LOC400499: variants seen among roughly 807,000 people sequenced by gnomAD.
the LOC400499 span, among the ~76,000 whole-genome samples, chr16:11,454,141 A>C: frequency 5.3e-5 from 8 of 152,230 alleles, no homozygotes; most frequent in African/African-American, 7.2e-5. Flanking sequence ...AAATCAGAAG[A>C]AGCATCAGAT....
chr16:11,431,844 C>T, the LOC400499 span, among the ~76,000 whole-genome samples: 4,193 of 152,324 alleles, frequency 0.028, 98 homozygotes, highest in Non-Finnish European at 0.043. Context: ...GATCTATGTC[C>T]TCTCCCTTTG....
At chr16:11,506,610 C>CCA in the LOC400499 span, among the ~76,000 whole-genome samples, 4 of 152,166 alleles carry the variant, frequency 2.6e-5, no homozygotes, top group African/African-American at 9.7e-5. Context: ...AACCCCACTG[C>CCA]ACCCTTGCTT....
At chr16:11,468,182 T>G in the LOC400499 span, among the ~76,000 whole-genome samples, 7 of 152,202 alleles carry the variant, frequency 4.6e-5, no homozygotes, top group Admixed American at 3.9e-4. Context: ...AACAAATTCC[T>G]ATAGTTGAAG....
chr16:11,447,751 C>T, the LOC400499 span, among the ~76,000 whole-genome samples: 1 of 151,958 alleles, frequency 6.6e-6, no homozygotes, highest in African/African-American at 2.4e-5. Context: ...ATGGAGGGGG[C>T]GAGGGATGTG....
At chr16:11,456,983 C>G in the LOC400499 span, 1 of 1,536,090 alleles carries the variant, frequency 6.5e-7, no homozygotes, top group Non-Finnish European at 8.7e-7. Context: ...GGCGGAGGCT[C>G]AAGTGGTAAA....
chr16:11,378,878 G>A, the LOC400499 span, among the ~76,000 whole-genome samples: 1 of 152,202 alleles, frequency 6.6e-6, no homozygotes, highest in African/African-American at 2.4e-5. Context: ...GGGTGAAGTT[G>A]TCTGTGTGGT....
chr16:11,494,319 C>A, the LOC400499 span, among the ~76,000 whole-genome samples: 3 of 146,870 alleles, frequency 2.0e-5, no homozygotes, highest in Non-Finnish European at 4.5e-5. Flanking sequence ...CCCCCTTCCC[C>A]CCTTCACCCC....
the LOC400499 span, among the ~76,000 whole-genome samples, chr16:11,518,732 G>C: frequency 6.6e-6 from 1 of 152,124 alleles, no homozygotes; most frequent in African/African-American, 2.4e-5. Flanking sequence ...AAACTTCTTT[G>C]AACTTCAGTC....
At chr16:11,474,881 A>T in the LOC400499 span, among the ~76,000 whole-genome samples, 1 of 152,156 alleles carries the variant, frequency 6.6e-6, no homozygotes, top group African/African-American at 2.4e-5. Flanking sequence ...TAATAAAAGT[A>T]CAATATCGGG....
the LOC400499 span, among the ~76,000 whole-genome samples, chr16:11,514,711 C>A: frequency 6.6e-6 from 1 of 152,154 alleles, no homozygotes; most frequent in Non-Finnish European, 1.5e-5. Context: ...GCGTCACCCA[C>A]CCCTGGCTCG....
At chr16:11,476,522 C>A in the LOC400499 span, among the ~76,000 whole-genome samples, 47 of 152,208 alleles carry the variant, frequency 3.1e-4, no homozygotes, top group African/African-American at 1.1e-3. Flanking sequence ...GACACACCCT[C>A]ATGCACACAG....
At chr16:11,406,004 C>T in the LOC400499 span, among the ~76,000 whole-genome samples, 1 of 152,176 alleles carries the variant, frequency 6.6e-6, no homozygotes, top group Non-Finnish European at 1.5e-5. Context: ...TTCCCTCTGC[C>T]TGGAATACTC....
chr16:11,465,835 G>A, the LOC400499 span, among the ~76,000 whole-genome samples: 1 of 145,354 alleles, frequency 6.9e-6, no homozygotes, highest in Non-Finnish European at 1.5e-5. Flanking sequence ...GAAAGTGGGG[G>A]AAAGACGTGG....
the LOC400499 span, chr16:11,430,946 G>C: frequency 1.8e-5 from 7 of 398,222 alleles, no homozygotes; most frequent in Admixed American, 1.3e-4. Flanking sequence ...TGGAGTTGGA[G>C]CATCACTGGA....
the LOC400499 span, among the ~76,000 whole-genome samples, chr16:11,500,335 C>G: frequency 1.3e-5 from 2 of 151,806 alleles, no homozygotes; most frequent in African/African-American, 2.4e-5. Context: ...TGGCGAAACC[C>G]CGTCTCTACT....
the LOC400499 span, among the ~76,000 whole-genome samples, chr16:11,417,416 G>C: frequency 6.6e-6 from 1 of 152,188 alleles, no homozygotes; most frequent in Non-Finnish European, 1.5e-5. Flanking sequence ...AAGCCATCCA[G>C]TGTGTGGGAC....
chr16:11,475,729 G>C, the LOC400499 span: 2 of 398,872 alleles, frequency 5.0e-6, no homozygotes, highest in Non-Finnish European at 8.8e-6. Context: ...GGTGGGGAAA[G>C]AGGACAGTGT....
the LOC400499 span, among the ~76,000 whole-genome samples, chr16:11,452,742 C>G: frequency 6.6e-6 from 1 of 152,252 alleles, no homozygotes; most frequent in Non-Finnish European, 1.5e-5. Flanking sequence ...AAAAGTCCTG[C>G]AAACTTGTCA....
At chr16:11,470,892 G>C in the LOC400499 span, among the ~76,000 whole-genome samples, 2 of 152,214 alleles carry the variant, frequency 1.3e-5, no homozygotes, top group East Asian at 3.8e-4. Context: ...CCGGGGAAGA[G>C]TGTTCCTGGC....
Sources: gnomAD v4.1 joint callset for allele counts (sites outside exome capture counted in the v4.1 genomes callset) on GRCh38, gnomAD v4.1.1 for gene constraint, MANE v1.5 for transcripts.